Variants in SPIDR observed in about 807,000 individuals in gnomAD.
SPIDR encodes the protein scaffold protein involved in DNA repair, also known as DNA repair-scaffolding protein.
Under a neutral mutation model 104.6 loss-of-function variants are expected in SPIDR, and 93 were observed. The ratio of observed to expected loss-of-function variants is 0.89; its 90% CI spans 0.75 to 1.06. The LOEUF is 1.06. SPIDR is among the 50% of genes least tolerant of loss of function. The probability of loss-of-function intolerance (pLI) is 0.00; values close to 1 mark genes in which losing one functional copy is unlikely to be tolerated. For missense variants in SPIDR, 1,154 were observed against 1,111.2 expected, an observed-to-expected ratio of 1.04 and a Z score of -0.55; for synonymous variants, 431 against 416.9, an observed-to-expected ratio of 1.03 and a Z score of -0.41.
At chr8:47,347,975 T>G (rs1490238724) in intron 5 of SPIDR, among the ~76,000 whole-genome samples, 5 of 152,294 alleles carry the variant, frequency 3.3e-5, no homozygotes, top group African/African-American at 1.2e-4. Context: ...TAGGTGTGAA[T>G]TTGATCCCGT....
chr8:47,415,927 C>G (rs1284689437), intron 7 of SPIDR, among the ~76,000 whole-genome samples: 1 of 152,200 alleles, frequency 6.6e-6, no homozygotes, highest in Non-Finnish European at 1.5e-5. Context: ...CTCCCTGATG[C>G]CTTGCAGCCA....
At chr8:47,519,356 G>T (rs1189962741) in intron 8 of SPIDR, among the ~76,000 whole-genome samples, 1 of 152,176 alleles carries the variant, frequency 6.6e-6, no homozygotes, top group Non-Finnish European at 1.5e-5. Context: ...TGTTAGCCAG[G>T]TTGGTCTCAA....
At chr8:47,707,469 T>C (rs912166513) in intron 14 of SPIDR, among the ~76,000 whole-genome samples, 1 of 152,200 alleles carries the variant, frequency 6.6e-6, no homozygotes, top group South Asian at 2.1e-4. Flanking sequence ...TTAAAGTTAT[T>C]TCTATTTTTT....
At chr8:47,480,878 A>G (rs1554726599) in intron 8 of SPIDR, among the ~76,000 whole-genome samples, 1 of 152,190 alleles carries the variant, frequency 6.6e-6, no homozygotes, top group African/African-American at 2.4e-5. Context: ...CATTGTACAA[A>G]CTTCAGAGGC....
chr8:47,673,612 C>A lies in SPIDR; in HGVS notation c.1545-189C>A, dbSNP rs10102782. 9.0e-3 allele frequency: 6,361 copies of A among 710,318 alleles called. 282 individuals are homozygous for A. The African/African-American group carries it at 0.093, about 10-fold the overall frequency. 44.0% of individuals were successfully genotyped at this position (710,318 alleles called of 1,614,324 possible). A position where few individuals can be genotyped will look rare whatever the true frequency, so the allele number is the denominator to read the frequency against. On this transcript the variant is annotated intron_variant, in intron 10 of 19. Transcript: ENST00000297423. ...TCAACGTTTTTTTAATCCTGACTCACCCATTTAGGAAGATGACTACAGTGG... is the reference window on the plus strand; with the variant it reads ...TCAACGTTTTTTTAATCCTGACTCAACCATTTAGGAAGATGACTACAGTGG...
intron 15 of SPIDR, 83 bp from the exon 16 acceptor site, chr8:47,713,406 G>A: frequency 6.3e-7 from 1 of 1,586,768 alleles, no homozygotes; most frequent in East Asian, 2.2e-5. Flanking sequence ...CATGACTCGA[G>A]GGGTAGCAAA....
chr8:47,612,250 G>A (rs1441117503), intron 10 of SPIDR, among the ~76,000 whole-genome samples: 1 of 152,148 alleles, frequency 6.6e-6, no homozygotes, highest in Non-Finnish European at 1.5e-5. Context: ...TTGCACACAG[G>A]TAAGTTAAAT....
At chr8:47,519,224 A>G (rs1050437779) in intron 8 of SPIDR, among the ~76,000 whole-genome samples, 8 of 152,146 alleles carry the variant, frequency 5.3e-5, no homozygotes, top group Middle Eastern at 3.4e-3. Flanking sequence ...AGCTCACTGT[A>G]ACCTCTGCCT....
rs367805804 is a variant in SPIDR at position 47,599,159 on chromosome 8, G to A, written c.1507G>A (p.Gly503Arg). 191 of 1,613,654 alleles carry A rather than the reference G, an allele frequency of 1.2e-4. No individual in the cohort carries two copies. The highest frequency in any genetic ancestry group is 1.6e-4 in the Non-Finnish European group (184 of 1,179,940). The change falls in exon 10 of 20, where the codon GGG (glycine) becomes AGG (arginine). Residue 503 changes from glycine to arginine, a missense_variant. Gly to Arg is a moderately radical substitution (Grantham distance 125, BLOSUM62 -2). Coordinates refer to ENST00000297423, the MANE Select transcript of SPIDR (RefSeq NM_001080394.4). ...CAGAGACAGCACCAGGGGTCAGCAGGGGGCCAGCTCAGGACACACAGACCC... is the reference window on the plus strand; with the variant it reads ...CAGAGACAGCACCAGGGGTCAGCAGAGGGCCAGCTCAGGACACACAGACCC... ...PSRDSTRGQQ[G>R]ASSGHTDPAG...
At chr8:47,297,668 T>A (rs1298987350) in intron 5 of SPIDR, among the ~76,000 whole-genome samples, 1 of 152,090 alleles carries the variant, frequency 6.6e-6, no homozygotes, top group Non-Finnish European at 1.5e-5. Flanking sequence ...CCATCTGTTC[T>A]CATTGTTCAC....
intron 10 of SPIDR, among the ~76,000 whole-genome samples, chr8:47,601,330 A>G (rs1024970824): frequency 2.6e-5 from 4 of 152,226 alleles, no homozygotes; most frequent in Non-Finnish European, 4.4e-5. Flanking sequence ...CTGCTGACAC[A>G]GGTAGACACA....
chr8:47,390,886 C>T (rs2060499266), intron 5 of SPIDR, among the ~76,000 whole-genome samples: 1 of 152,260 alleles, frequency 6.6e-6, no homozygotes, highest in Non-Finnish European at 1.5e-5. Context: ...TCTCGTTAGT[C>T]TGATTCTACA....
intron 8 of SPIDR, among the ~76,000 whole-genome samples, chr8:47,495,579 T>A (rs1363379328): frequency 6.6e-6 from 1 of 152,106 alleles, no homozygotes; most frequent in Non-Finnish European, 1.5e-5. Flanking sequence ...TTGTCACGTG[T>A]CCTTTTGGTA....
intron 19 of SPIDR, among the ~76,000 whole-genome samples, chr8:47,729,957 G>T (rs1382393784): frequency 1.1e-4 from 17 of 152,124 alleles, no homozygotes; most frequent in African/African-American, 4.1e-4. Flanking sequence ...GACCTCAGGT[G>T]ATCCTCCAAC....
chr8:47,394,146 A>G (rs1260151973), intron 5 of SPIDR, among the ~76,000 whole-genome samples: 3 of 152,118 alleles, frequency 2.0e-5, no homozygotes, highest in Admixed American at 6.5e-5. Context: ...GCCTCAAGTG[A>G]TCTGCCTGCC....
chr8:47,420,063 G>T lies in SPIDR; in HGVS notation c.877+12102G>T, dbSNP rs567146212. ...TGTGGTCAGTTTTGGAATAGGTGTG[G>T]TGTGGTGCTGAGAAGAATGTATATT... On this transcript the variant is annotated intron_variant, in intron 7 of 19. Coordinates refer to ENST00000297423, the MANE Select transcript of SPIDR (RefSeq NM_001080394.4). 6.6e-5 allele frequency among the ~76,000 whole-genome samples: 10 copies of T among 152,228 alleles called. No individual in the cohort carries two copies. In the East Asian group the frequency reaches 1.4e-3, roughly 21 times the overall value.
intron 8 of SPIDR, among the ~76,000 whole-genome samples, chr8:47,522,950 A>G (rs998394598): frequency 4.6e-5 from 7 of 151,112 alleles, no homozygotes; most frequent in Admixed American, 2.6e-4. Flanking sequence ...TTTTTGTTGT[A>G]TGTGTGTGTG....
Position 47,718,596 on chromosome 8 carries a change from A to C in SPIDR, c.2341+4955A>C, listed in dbSNP as rs182579570. Among the ~76,000 whole-genome samples the C allele has an allele frequency of 9.2e-5, 14 of 151,626 alleles. No individual in the cohort carries two copies. In the East Asian group the frequency reaches 2.7e-3, roughly 29 times the overall value. ...GCACTAGTCAGGAAGATGAATTACT[A>C]TCCTCATGGTTTAAGTCACCTTTCA... On this transcript the variant is annotated intron_variant, in intron 16 of 19. Transcript: ENST00000297423.
Position 47,654,058 on chromosome 8 carries a change from G to A in SPIDR, c.1545-19743G>A. The A allele has an allele frequency of 2.3e-6, 3 of 1,289,602 alleles. No individual in the cohort carries two copies. The South Asian group carries it at 3.7e-5, about 16-fold the overall frequency. The allele number at this position is 1,289,602 out of a possible 1,614,324, so 79.9% of individuals were successfully genotyped here. On this transcript the variant is annotated intron_variant, in intron 10 of 19. Coordinates refer to ENST00000297423, the MANE Select transcript of SPIDR (RefSeq NM_001080394.4). ...CGGGAGCCAAGACAGATAGGGGCGT[G>A]GTAGCAGCATCTTGATCTTCTTAGG...
Sources: allele counts gnomAD v4.1 joint callset (sites outside exome capture counted in the v4.1 genomes callset), GRCh38; gene constraint gnomAD v4.1.1; transcripts MANE v1.5; gene names NCBI Gene and HGNC (gene_info 2026-07-23, HGNC 2026-07-21).